Variants in ATG5 observed in about 807,000 individuals in gnomAD.
The protein encoded by ATG5 is autophagy related 5, also known as autophagy protein 5.
ATG5 carries 14 observed loss-of-function variants against 36.5 expected under a neutral mutation model. The ratio of observed to expected loss-of-function variants is 0.38; its 90% CI spans 0.25 to 0.60. ATG5 has a LOEUF of 0.60. ATG5 is among the 20% of genes least tolerant of loss of function. ATG5 has a pLI of 0.60. For missense variants in ATG5, 195 were observed against 326.7 expected, an observed-to-expected ratio of 0.60 and a Z score of 3.11; for synonymous variants, 95 against 101.5, an observed-to-expected ratio of 0.94 and a Z score of 0.38.
At chr6:106,231,440 G>A (rs1447616128) in intron 6 of ATG5, among the ~76,000 whole-genome samples, 4 of 152,214 alleles carry the variant, frequency 2.6e-5, no homozygotes, top group African/African-American at 9.7e-5. Context: ...GCAGTTCCCA[G>A]TGTAGACCCT....
At chr6:106,257,474 A>G (rs1039895920) in intron 5 of ATG5, among the ~76,000 whole-genome samples, 1 of 152,122 alleles carries the variant, frequency 6.6e-6, no homozygotes. Flanking sequence ...GGCCATAAGA[A>G]TTTTTCAGTT....
chr6:106,265,319 T>C (rs1298832456), intron 5 of ATG5, among the ~76,000 whole-genome samples: 4 of 152,190 alleles, frequency 2.6e-5, no homozygotes, highest in Non-Finnish European at 2.9e-5. Flanking sequence ...TAAATATATG[T>C]GCACCCAATA....
Position 106,325,621 on chromosome 6 carries a change from C to G in ATG5, c.-154G>C, listed in dbSNP as rs1276076398. 1 of 152,892 alleles carries G rather than the reference C, an allele frequency of 6.5e-6. No homozygotes were observed. The highest frequency in any genetic ancestry group is 1.5e-5 in the Non-Finnish European group (1 of 68,172). The allele number at this position is 152,892 out of a possible 1,614,324, so 9.5% of individuals were successfully genotyped here. On this transcript the variant is annotated 5_prime_UTR_variant, in exon 1 of 8. Coordinates refer to ENST00000369076, the MANE Select transcript of ATG5 (RefSeq NM_004849.4). ...TGGGGCGGCGGGGCAAGCTGCCCGC[C>G]TGACACACTGTCCTGCGGGGACGCG... is the stretch of plus-strand genomic sequence containing the variant.
chr6:106,297,802 G>A (rs1040524360), intron 3 of ATG5, among the ~76,000 whole-genome samples: 1 of 150,508 alleles, frequency 6.6e-6, no homozygotes, highest in African/African-American at 2.4e-5. Flanking sequence ...TGGGCATGGT[G>A]GCTTATGCCT....
intron 6 of ATG5, among the ~76,000 whole-genome samples, chr6:106,228,893 T>G (rs1777551753): frequency 1.3e-5 from 2 of 152,230 alleles, no homozygotes; most frequent in African/African-American, 4.8e-5. Context: ...TGGAGCCAGC[T>G]TCCACTTTCA....
At chr6:106,314,093 T>C (rs1272795992) in intron 2 of ATG5, among the ~76,000 whole-genome samples, 1 of 152,226 alleles carries the variant, frequency 6.6e-6, no homozygotes, top group Non-Finnish European at 1.5e-5. Context: ...CTACAGTTAC[T>C]GTAAACACTC....
intron 4 of ATG5, among the ~76,000 whole-genome samples, chr6:106,285,989 T>C (rs1780061446): frequency 6.6e-6 from 1 of 151,432 alleles, no homozygotes; most frequent in African/African-American, 2.5e-5. Context: ...TCTCTCCACT[T>C]TGAATGAGCT....
chr6:106,262,405 T>C (rs1006753481), intron 5 of ATG5, among the ~76,000 whole-genome samples: 2 of 152,118 alleles, frequency 1.3e-5, no homozygotes, highest in South Asian at 2.1e-4. Context: ...GTAACACTAA[T>C]GCTTTTGGCA....
chr6:106,216,797 G>A (rs767202200), intron 6 of ATG5, among the ~76,000 whole-genome samples: 33 of 152,124 alleles, frequency 2.2e-4, no homozygotes, highest in Admixed American at 1.2e-3. Context: ...AGGATCACTT[G>A]AGCCAGGAGT....
At chr6:106,246,620 T>C (rs1274221573) in intron 6 of ATG5, among the ~76,000 whole-genome samples, 1 of 151,948 alleles carries the variant, frequency 6.6e-6, no homozygotes, top group African/African-American at 2.4e-5. Flanking sequence ...CCTACAGGAG[T>C]TTAAAGAAGT....
At chr6:106,306,344 T>TG (rs1770446300) in intron 3 of ATG5, among the ~76,000 whole-genome samples, 1 of 152,210 alleles carries the variant, frequency 6.6e-6, no homozygotes, top group Admixed American at 6.5e-5. Flanking sequence ...AGCTGAAAGA[T>TG]GATGACTTAG....
At chr6:106,190,354 G>T (rs1252258100) in intron 7 of ATG5, among the ~76,000 whole-genome samples, 1 of 152,136 alleles carries the variant, frequency 6.6e-6, no homozygotes, top group Non-Finnish European at 1.5e-5. Flanking sequence ...TTTCATACCA[G>T]CATTAACCCA....
At chr6:106,237,435 T>C (rs1777946636) in intron 6 of ATG5, among the ~76,000 whole-genome samples, 3 of 152,190 alleles carry the variant, frequency 2.0e-5, no homozygotes. Context: ...GTATATACTA[T>C]TTTGAGGCAG....
intron 6 of ATG5, among the ~76,000 whole-genome samples, chr6:106,226,527 G>A (rs150531155): frequency 1.4e-4 from 21 of 152,064 alleles, no homozygotes; most frequent in Non-Finnish European, 2.6e-4. Flanking sequence ...TTAAATATGC[G>A]CAAAGAACTA....
intron 5 of ATG5, among the ~76,000 whole-genome samples, chr6:106,254,264 A>G (rs1236587678): frequency 2.0e-5 from 3 of 152,152 alleles, no homozygotes; most frequent in Non-Finnish European, 4.4e-5. Context: ...CATTCCCTAT[A>G]CCATCACTCT....
intron 7 of ATG5, among the ~76,000 whole-genome samples, chr6:106,189,482 G>C (rs191926815): frequency 3.9e-5 from 6 of 151,960 alleles, no homozygotes; most frequent in African/African-American, 1.5e-4. Context: ...TTAGCTGGGC[G>C]TGGTGGTGCA....
intron 5 of ATG5, among the ~76,000 whole-genome samples, chr6:106,261,906 C>A (rs1017608646): frequency 2.0e-5 from 3 of 152,164 alleles, no homozygotes; most frequent in African/African-American, 7.2e-5. Context: ...ACACAATGCA[C>A]AGGACAGCCC....
intron 5 of ATG5, among the ~76,000 whole-genome samples, chr6:106,258,269 T>C (rs925521803): frequency 7.9e-5 from 12 of 151,304 alleles, no homozygotes; most frequent in African/African-American, 2.9e-4. Flanking sequence ...CTTGGGAGAC[T>C]GATATGGGAA....
At chr6:106,306,414 G>C (rs1055925434) in intron 3 of ATG5, among the ~76,000 whole-genome samples, 1 of 152,254 alleles carries the variant, frequency 6.6e-6, no homozygotes, top group African/African-American at 2.4e-5. Context: ...TTCCTCAACT[G>C]GGGGCGGTTC....
Sources: allele counts gnomAD v4.1 joint callset (sites outside exome capture counted in the v4.1 genomes callset), GRCh38; gene constraint gnomAD v4.1.1; transcripts MANE v1.5; gene names NCBI Gene and HGNC (gene_info 2026-07-23, HGNC 2026-07-21).